The following ADAT1 variants were observed in gnomAD, a reference collection of about 807,000 sequenced individuals.
The protein encoded by ADAT1 is adenosine deaminase tRNA specific 1, also known as tRNA-specific adenosine deaminase 1.
Under a neutral mutation model 58.6 loss-of-function variants are expected in ADAT1, and 58 were observed. That is an observed-to-expected ratio of 0.99 (90% CI 0.80 to 1.23). The LOEUF (loss-of-function observed/expected upper bound fraction) is 1.23. Among genes scored for constraint, ADAT1 ranks in the 50% most tolerant of loss-of-function variants. The probability of loss-of-function intolerance (pLI) is 0.00; values close to 1 mark genes in which losing one functional copy is unlikely to be tolerated. For missense variants in ADAT1, 741 were observed against 608.6 expected, an observed-to-expected ratio of 1.22 and a Z score of -2.29; for synonymous variants, 254 against 220.8, an observed-to-expected ratio of 1.15 and a Z score of -1.33.
chr16:75,619,690 C>T (rs1246323177), intron 3 of ADAT1: 1 of 446,672 alleles, frequency 2.2e-6, no homozygotes, highest in Non-Finnish European at 4.5e-6. Flanking sequence ...GTGGGCAGAT[C>T]ACCTGAGGTC....
At position 75,617,278 on chromosome 16, in the gene ADAT1, G is replaced by A. The variant is rs763787303; in HGVS notation, c.294-6C>T. On this transcript the variant is annotated splice_region_variant and splice_polypyrimidine_tract_variant and intron_variant, in intron 4 of 9. Transcript: ENST00000564657. ...GGAGTTGGTGGAGAAGGTACCTAAG[G>A]GTTGCAAGATGTTATTAGGATGAAC... 5.0e-6 allele frequency: 8 copies of A among 1,610,844 alleles called. No homozygotes were observed. Among genetic ancestry groups the A allele is most frequent in the Admixed American group, 1.7e-5 (1 of 59,888 alleles).
chr16:75,619,537 A>C (rs77993642), intron 3 of ADAT1: 3 of 425,020 alleles, frequency 7.1e-6, no homozygotes, highest in East Asian at 1.4e-4. Context: ...AAAAAAAAAA[A>C]CCACTGAAAC....
Position 75,620,684 on chromosome 16 carries a change from T to A in ADAT1, c.116A>T (p.Lys39Met). ...GGCCTTGTCAGCTGGAGATTGTATC[T>A]TCACCACCGCTGCCAATAATGTCCA... ...HEWTLLAAVV[K>M]IQSPADKACD... The change falls in exon 2 of 10, where the codon AAG (lysine) becomes ATG (methionine). Residue 39 changes from lysine to methionine, a missense_variant. Lys to Met is a moderately conservative substitution (Grantham distance 95). Coordinates refer to ENST00000564657, the MANE Select transcript of ADAT1 (RefSeq NM_001324445.2). The A allele has an allele frequency of 6.2e-7, 1 of 1,614,038 alleles. No homozygotes were observed. The highest frequency in any genetic ancestry group is 2.2e-5 in the East Asian group (1 of 44,872).
At chr16:75,615,906 C>T (rs375269309) in intron 5 of ADAT1, among the ~76,000 whole-genome samples, 67 of 152,226 alleles carry the variant, frequency 4.4e-4, no homozygotes, top group African/African-American at 1.5e-3. Flanking sequence ...AGGGCCCTTA[C>T]GGCTAAGAAA....
intron 7 of ADAT1, 75 bp from the exon 8 acceptor site, chr16:75,608,398 T>C (rs532011146): frequency 7.8e-6 from 10 of 1,279,314 alleles, no homozygotes; most frequent in East Asian, 7.0e-5. Flanking sequence ...AATAAAAATA[T>C]TTCTCTGACT....
intron 4 of ADAT1, among the ~76,000 whole-genome samples, chr16:75,617,973 T>G (rs1209777193): frequency 6.7e-6 from 1 of 150,334 alleles, no homozygotes; most frequent in Admixed American, 6.6e-5. Context: ...GGCATGCGCC[T>G]GTAACCCCAG....
chr16:75,619,144 G>C (rs1004560997), intron 3 of ADAT1, among the ~76,000 whole-genome samples: 1 of 152,198 alleles, frequency 6.6e-6, no homozygotes, highest in African/African-American at 2.4e-5. Flanking sequence ...TCCTGGAACA[G>C]GTTCCTCATA....
At chr16:75,604,212 C>G (rs1040435509) in intron 8 of ADAT1, among the ~76,000 whole-genome samples, 2 of 151,660 alleles carry the variant, frequency 1.3e-5, no homozygotes, top group African/African-American at 4.8e-5. Flanking sequence ...ATGAGCAGAT[C>G]ACCTGAGGTC....
chr16:75,601,557 G>T (rs2081231137), intron 9 of ADAT1, among the ~76,000 whole-genome samples: 1 of 151,910 alleles, frequency 6.6e-6, no homozygotes, highest in Admixed American at 6.6e-5. Flanking sequence ...AGTAGTTCAA[G>T]ACCAGCCTGG....
intron 1 of ADAT1, among the ~76,000 whole-genome samples, chr16:75,621,805 C>A (rs1285522507): frequency 6.6e-6 from 1 of 151,952 alleles, no homozygotes; most frequent in African/African-American, 2.4e-5. Context: ...TATCAATGCT[C>A]ACTAGGCACA....
At chr16:75,603,415 T>C (rs2081278639) in intron 8 of ADAT1, among the ~76,000 whole-genome samples, 1 of 152,130 alleles carries the variant, frequency 6.6e-6, no homozygotes, top group Non-Finnish European at 1.5e-5. Context: ...CCCAAACGGG[T>C]ACCCTGAGGT....
intron 3 of ADAT1, 37 bp downstream of exon 3, chr16:75,620,229 A>G (rs1171274830): frequency 1.9e-6 from 3 of 1,605,182 alleles, no homozygotes; most frequent in Non-Finnish European, 2.6e-6. Context: ...CACTGGTTTC[A>G]AGCTAAATCT....
At chr16:75,604,470 T>C (rs1239662518) in intron 8 of ADAT1, among the ~76,000 whole-genome samples, 18 of 64,062 alleles carry the variant, frequency 2.8e-4, no homozygotes, top group African/African-American at 1.3e-3. Context: ...TATATATATA[T>C]ATATACACAC....
chr16:75,603,388 A>G (rs918381950), intron 8 of ADAT1, among the ~76,000 whole-genome samples: 1 of 152,176 alleles, frequency 6.6e-6, no homozygotes, highest in African/African-American at 2.4e-5. Flanking sequence ...CAGCCATGGG[A>G]TCATTAAAGT....
intron 6 of ADAT1, among the ~76,000 whole-genome samples, chr16:75,611,457 T>C (rs1411600031): frequency 6.6e-6 from 1 of 152,060 alleles, no homozygotes; most frequent in African/African-American, 2.4e-5. Context: ...ATGACCTTGG[T>C]TCACTGCAGC....
At chr16:75,612,980 G>C in intron 5 of ADAT1, 119 bp from the exon 6 acceptor site, 1 of 1,266,612 alleles carries the variant, frequency 7.9e-7, no homozygotes, top group Non-Finnish European at 1.1e-6. Flanking sequence ...CAGTAGACCT[G>C]CTGAATCAGA....
rs2081143289 is a variant in ADAT1 at position 75,598,838 on chromosome 16, T to C, written c.*1378A>G. On this transcript the variant is annotated 3_prime_UTR_variant, in exon 10 of 10. Coordinates refer to ENST00000564657, the MANE Select transcript of ADAT1 (RefSeq NM_001324445.2). ...CCGGCCTAAAAACTTTTAAAATGTATACTTTAGTTGGGTGAATTTTATGGT... is the reference window on the plus strand; with the variant it reads ...CCGGCCTAAAAACTTTTAAAATGTACACTTTAGTTGGGTGAATTTTATGGT... 2 of 956,022 alleles carry C rather than the reference T, an allele frequency of 2.1e-6. No homozygotes were observed. The highest frequency in any genetic ancestry group is 1.8e-5 in the African/African-American group (1 of 56,660). The allele number at this position is 956,022 out of a possible 1,614,324, so 59.2% of individuals were successfully genotyped here.
chr16:75,622,137 G>A (rs896540564), intron 1 of ADAT1, among the ~76,000 whole-genome samples: 1 of 152,170 alleles, frequency 6.6e-6, no homozygotes. Flanking sequence ...GTGACAGAGC[G>A]AGACTCCCTC....
At position 75,620,458 on chromosome 16, in the gene ADAT1, TC is replaced by T. The variant is rs1437373863; in HGVS notation, c.170-125del. The stretch of plus-strand genomic sequence containing the variant: ...GGCCCACTCAACCAAGGTCTGCGGT[TC>T]CAGCATGGCGGTCTCCCGCCATCAG... On this transcript the variant is annotated intron_variant, in intron 2 of 9. Transcript: ENST00000564657. 4 of 1,418,114 alleles carry T rather than the reference TC, an allele frequency of 2.8e-6. No individual in the cohort carries two copies. In the East Asian group the frequency reaches 9.2e-5, roughly 33 times the overall value. The allele number at this position is 1,418,114 out of a possible 1,614,324, so 87.8% of individuals were successfully genotyped here.
Sources: allele counts gnomAD v4.1 joint callset (sites outside exome capture counted in the v4.1 genomes callset), GRCh38; gene constraint gnomAD v4.1.1; transcripts MANE v1.5; gene names NCBI Gene and HGNC (gene_info 2026-07-23, HGNC 2026-07-21).